NLGN1: variants seen among roughly 807,000 people sequenced by gnomAD.
The protein encoded by NLGN1 is neuroligin 1.
Under a neutral mutation model 65.5 loss-of-function variants are expected in NLGN1, and 12 were observed. That is an observed-to-expected ratio of 0.18 (90% confidence interval 0.12 to 0.30). The LOEUF is 0.30. Among genes scored for constraint, NLGN1 ranks in the 10% least tolerant of loss-of-function variants. The probability of loss-of-function intolerance (pLI) is 1.00; values close to 1 mark genes in which losing one functional copy is unlikely to be tolerated. For synonymous variants in NLGN1, 350 were observed against 359.5 expected (o/e 0.97, Z 0.30); for missense variants, 750 against 1,007.1 (o/e 0.74, Z 3.46).
intron 2 of NLGN1, among the ~76,000 whole-genome samples, chr3:173,559,995 A>G (rs1467059404): frequency 4.2e-5 from 6 of 143,498 alleles, no homozygotes; most frequent in Admixed American, 1.4e-4. Context: ...CCAGGCTGGA[A>G]TGCAGTGGCA....
intron 4 of NLGN1, among the ~76,000 whole-genome samples, chr3:173,863,934 G>A (rs972140978): frequency 2.0e-5 from 3 of 152,138 alleles, no homozygotes; most frequent in Non-Finnish European, 1.5e-5. Context: ...CATAGTTAAC[G>A]CCTCCTTCAG....
chr3:173,421,017 T>A (rs1417729443), intron 1 of NLGN1, among the ~76,000 whole-genome samples: 1 of 152,194 alleles, frequency 6.6e-6, no homozygotes, highest in East Asian at 1.9e-4. Context: ...TCAGATATTT[T>A]CTTACTATTC....
chr3:173,458,353 C>T lies in NLGN1; in HGVS notation c.-321+23275C>T, dbSNP rs150094402. Among the ~76,000 whole-genome samples the T allele has an allele frequency of 2.2e-3, 339 of 152,082 alleles. 4 individuals are homozygous for T. Among genetic ancestry groups the T allele is most frequent in the African/African-American group, 7.8e-3 (322 of 41,504 alleles). ...AGAAAGAGGGAGGGATCACTGGTGTCCTGTGGAGCAATATGGTGCTGGACA... is the reference window on the plus strand; with the variant it reads ...AGAAAGAGGGAGGGATCACTGGTGTTCTGTGGAGCAATATGGTGCTGGACA... On this transcript the variant is annotated intron_variant, in intron 2 of 6. Transcript: ENST00000457714.
At chr3:173,611,579 G>C (rs1194113034) in intron 3 of NLGN1, among the ~76,000 whole-genome samples, 1 of 152,032 alleles carries the variant, frequency 6.6e-6, no homozygotes, top group Non-Finnish European at 1.5e-5. Flanking sequence ...TTGAACCAGA[G>C]ATTTGGCTTC....
chr3:174,119,611 C>G (rs1717315810), intron 4 of NLGN1, among the ~76,000 whole-genome samples: 2 of 152,126 alleles, frequency 1.3e-5, no homozygotes, highest in Non-Finnish European at 2.9e-5. Flanking sequence ...TAAAACTGCT[C>G]CAAAACAAGA....
At chr3:173,620,048 G>T (rs1476182765) in intron 3 of NLGN1, among the ~76,000 whole-genome samples, 1 of 152,094 alleles carries the variant, frequency 6.6e-6, no homozygotes, top group Admixed American at 6.6e-5. Context: ...CCGGAGCTTG[G>T]AGTATTTCTC....
intron 2 of NLGN1, among the ~76,000 whole-genome samples, chr3:173,528,788 A>T (rs1169764381): frequency 3.3e-5 from 5 of 151,908 alleles, no homozygotes; most frequent in Non-Finnish European, 5.9e-5. Flanking sequence ...TCATTTCCAA[A>T]CGTTCTGTTT....
intron 4 of NLGN1, among the ~76,000 whole-genome samples, chr3:174,157,703 C>A (rs1725713296): frequency 6.6e-6 from 1 of 151,712 alleles, no homozygotes; most frequent in Admixed American, 6.6e-5. Flanking sequence ...TCTTCGTCTG[C>A]TGGAAATAGA....
intron 4 of NLGN1, among the ~76,000 whole-genome samples, chr3:174,271,364 T>TAA (rs1749371450): frequency 6.6e-6 from 1 of 151,686 alleles, no homozygotes; most frequent in Non-Finnish European, 1.5e-5. Flanking sequence ...GTAAGAGACC[T>TAA]AAGTATAAAT....
rs114501741 is a variant in NLGN1, at chr3:173,762,577, G to C, written c.494-45103G>C. On this transcript the variant is annotated intron_variant, in intron 3 of 6. Coordinates refer to ENST00000457714, the Ensembl canonical transcript of NLGN1. ...TTCCAACTGATACTAAAAAGAGACT[G>C]TTTTATTATGTTTACTACACAATGA... is the stretch of plus-strand genomic sequence containing the variant. Among the ~76,000 whole-genome samples, 462 of 152,022 alleles carry C rather than the reference G, an allele frequency of 3.0e-3. 5 individuals carry two copies. Among genetic ancestry groups the C allele is most frequent in the African/African-American group, 0.01 (426 of 41,498 alleles).
intron 4 of NLGN1, among the ~76,000 whole-genome samples, chr3:174,257,337 A>G (rs75862272): frequency 0.11 from 17,200 of 152,224 alleles, 1,779 homozygotes; most frequent in African/African-American, 0.27. Flanking sequence ...TAATTGTGAA[A>G]GAGAATGTGG....
At chr3:174,281,088 G>A (rs762963172) in exon 7 of NLGN1, 2 of 1,613,198 alleles carry the variant, frequency 1.2e-6, no homozygotes, top group South Asian at 1.1e-5. Flanking sequence ...ACATGAGGTG[G>A]TTCTTCGGAC....
At chr3:173,440,823 A>G (rs658132) in intron 2 of NLGN1, among the ~76,000 whole-genome samples, 53,537 of 152,056 alleles carry the variant, frequency 0.35, 12,473 homozygotes, top group African/African-American at 0.67. Flanking sequence ...CTCTAGCTGC[A>G]TTAGCCCCTA....
intron 3 of NLGN1, among the ~76,000 whole-genome samples, chr3:173,769,218 T>C (rs1378122095): frequency 6.6e-6 from 1 of 152,156 alleles, no homozygotes; most frequent in African/African-American, 2.4e-5. Context: ...CAGAATATCA[T>C]ATTTACCATG....
intron 4 of NLGN1, among the ~76,000 whole-genome samples, chr3:174,250,257 G>T (rs1744535459): frequency 6.6e-6 from 1 of 152,080 alleles, no homozygotes; most frequent in Admixed American, 6.5e-5. Flanking sequence ...CAGAGTAATG[G>T]TCTCAATAAA....
At chr3:173,570,768 A>G (rs1226777614) in intron 2 of NLGN1, among the ~76,000 whole-genome samples, 2 of 152,182 alleles carry the variant, frequency 1.3e-5, no homozygotes, top group East Asian at 1.9e-4. Flanking sequence ...CAGTGGCGTG[A>G]TCTTGGCTTA....
chr3:173,419,412 A>G (rs1714547913), intron 1 of NLGN1, among the ~76,000 whole-genome samples: 1 of 151,816 alleles, frequency 6.6e-6, no homozygotes, highest in Admixed American at 6.6e-5. Context: ...GGCAGCTAGC[A>G]TGTCTCTGGT....
At chr3:173,796,392 A>AC (rs1225630869) in intron 3 of NLGN1, among the ~76,000 whole-genome samples, 1 of 152,148 alleles carries the variant, frequency 6.6e-6, no homozygotes, top group African/African-American at 2.4e-5. Context: ...CTTTACCAGA[A>AC]CCCATACTTT....
chr3:173,713,616 T>G (rs1393305097), intron 3 of NLGN1, among the ~76,000 whole-genome samples: 1 of 152,144 alleles, frequency 6.6e-6, no homozygotes, highest in Non-Finnish European at 1.5e-5. Flanking sequence ...CTTATTTCAC[T>G]GTTTACTATA....
Sources: gnomAD v4.1 joint callset for allele counts (sites outside exome capture counted in the v4.1 genomes callset) on GRCh38, gnomAD v4.1.1 for gene constraint, MANE v1.5 for transcripts, NCBI Gene and HGNC (gene_info 2026-07-23, HGNC 2026-07-21) for gene names.